Variants in XYLT1 observed in about 807,000 individuals in gnomAD.
The protein encoded by XYLT1 is xylosyltransferase 1.
In XYLT1, 36 loss-of-function variants were observed where a neutral mutation model predicts 91.3. That is an observed-to-expected ratio of 0.39 (90% CI 0.30 to 0.52). The LOEUF is 0.52. Among genes scored for constraint, XYLT1 ranks in the 20% least tolerant of loss-of-function variants. The probability of loss-of-function intolerance (pLI) is 0.68; values close to 1 mark genes in which losing one functional copy is unlikely to be tolerated. For synonymous variants in XYLT1, 588 were observed against 532.0 expected (o/e 1.11, Z -1.45); for missense variants, 1,242 against 1,284.5 (o/e 0.97, Z 0.51).
At chr16:17,188,472 C>G (rs577905173) in intron 5 of XYLT1, among the ~76,000 whole-genome samples, 89 of 152,266 alleles carry the variant, frequency 5.8e-4, no homozygotes, top group African/African-American at 2.0e-3. Context: ...GGGTCCCAAG[C>G]TACCCCCTCT....
chr16:17,117,870 A>T lies in XYLT1; in HGVS notation c.2333T>A (p.Val778Glu). The T allele has an allele frequency of 6.2e-7, 1 of 1,614,134 alleles. No homozygotes were observed. Reference protein sequence around the residue: ...GMQKWGKGPNVTVTVIWVDPV... With the variant: ...GMQKWGKGPNETVTVIWVDPV... ...ATCCACCCAAATGACGGTCACGGTC[A>T]CATTAGGTCCCTTCCCCCACTTCTG... Residue 778 changes from valine (V) to glutamate (E), a missense_variant, in exon 11 of 12, where the codon GTG (valine) becomes GAG (glutamate). Val to Glu is a moderately radical substitution (Grantham distance 121, BLOSUM62 -2). This residue lies in a region of XYLT1 where 511 missense variants were observed against 497.0 expected (regional missense o/e 1.03). Coordinates refer to ENST00000261381, the MANE Select transcript of XYLT1 (RefSeq NM_022166.4).
At chr16:17,335,954 A>G (rs2034973633) in intron 2 of XYLT1, among the ~76,000 whole-genome samples, 1 of 152,228 alleles carries the variant, frequency 6.6e-6, no homozygotes, top group South Asian at 2.1e-4. Flanking sequence ...ATAGCTTAAA[A>G]TCATCTTGTG....
At chr16:17,270,296 A>G (rs4782017) in intron 2 of XYLT1, among the ~76,000 whole-genome samples, 80,955 of 152,148 alleles carry the variant, frequency 0.53, 23,245 homozygotes, top group African/African-American at 0.74. Context: ...CCTCAAGCCT[A>G]CAAGGCTAAG....
At chr16:17,308,504 T>C (rs567258242) in intron 2 of XYLT1, among the ~76,000 whole-genome samples, 7 of 152,314 alleles carry the variant, frequency 4.6e-5, no homozygotes, top group Non-Finnish European at 1.0e-4. Flanking sequence ...TACAGCTCTA[T>C]CTACAAAGAA....
chr16:17,448,887 T>C (rs1483625810), intron 1 of XYLT1, among the ~76,000 whole-genome samples: 1 of 152,082 alleles, frequency 6.6e-6, no homozygotes, highest in Non-Finnish European at 1.5e-5. Flanking sequence ...TTGAAGTGGG[T>C]TCATCATCAT....
intron 6 of XYLT1, among the ~76,000 whole-genome samples, chr16:17,152,644 T>G (rs2031308563): frequency 6.6e-6 from 1 of 151,968 alleles, no homozygotes; most frequent in South Asian, 2.1e-4. Flanking sequence ...TCAAAGGAGG[T>G]TTGGGTCTGA....
chr16:17,321,101 G>C (rs1296915336), intron 2 of XYLT1, among the ~76,000 whole-genome samples: 1 of 151,936 alleles, frequency 6.6e-6, no homozygotes, highest in African/African-American at 2.4e-5. Flanking sequence ...CACCTAGAGA[G>C]CTACGAATTA....
At chr16:17,351,374 G>A (rs1344011260) in intron 2 of XYLT1, among the ~76,000 whole-genome samples, 1 of 152,140 alleles carries the variant, frequency 6.6e-6, no homozygotes, top group Non-Finnish European at 1.5e-5. Context: ...TTAGCCAGGT[G>A]TGGTGTCACA....
chr16:17,378,561 G>C lies in XYLT1; in HGVS notation c.364-20511C>G, dbSNP rs568924715. On this transcript the variant is annotated intron_variant, in intron 1 of 11. Coordinates refer to ENST00000261381, the MANE Select transcript of XYLT1 (RefSeq NM_022166.4). ...TCCTTCTAATTGAGGTAATTTCTAGGAATATGTTGCTAAAAGTTTCCTTTT... is the reference window on the plus strand; with the variant it reads ...TCCTTCTAATTGAGGTAATTTCTAGCAATATGTTGCTAAAAGTTTCCTTTT... Among the ~76,000 whole-genome samples, 16 of 152,258 alleles carry C rather than the reference G, an allele frequency of 1.1e-4. No individual in the cohort carries two copies. The East Asian group carries it at 2.9e-3, about 28-fold the overall frequency.
chr16:17,211,486 A>C (rs940117842), intron 3 of XYLT1, among the ~76,000 whole-genome samples: 2 of 152,072 alleles, frequency 1.3e-5, no homozygotes, highest in Non-Finnish European at 2.9e-5. Context: ...TGTCCTTTTG[A>C]TTCTTACTCT....
chr16:17,424,705 T>C (rs1470316070), intron 1 of XYLT1, among the ~76,000 whole-genome samples: 1 of 151,736 alleles, frequency 6.6e-6, no homozygotes, highest in Non-Finnish European at 1.5e-5. Flanking sequence ...CCGTCTTTAC[T>C]AAAAATACAA....
chr16:17,233,749 G>C (rs1020204977), intron 3 of XYLT1, among the ~76,000 whole-genome samples: 2 of 152,178 alleles, frequency 1.3e-5, no homozygotes, highest in Non-Finnish European at 2.9e-5. Flanking sequence ...GGGAGCCTGG[G>C]GCTTTACACT....
At chr16:17,466,067 C>T (rs923320442) in intron 1 of XYLT1, among the ~76,000 whole-genome samples, 3 of 152,192 alleles carry the variant, frequency 2.0e-5, no homozygotes, top group African/African-American at 7.2e-5. Context: ...CCTGTTCCCA[C>T]ACCCCTTCCT....
chr16:17,301,729 G>T (rs1193253977), intron 2 of XYLT1, among the ~76,000 whole-genome samples: 1 of 152,154 alleles, frequency 6.6e-6, no homozygotes, highest in Non-Finnish European at 1.5e-5. Flanking sequence ...AACAGGTGGC[G>T]AATGCTAATA....
chr16:17,192,655 G>A (rs1246064559), intron 5 of XYLT1, among the ~76,000 whole-genome samples: 3 of 152,162 alleles, frequency 2.0e-5, no homozygotes, highest in African/African-American at 4.8e-5. Context: ...GGACCAGGAT[G>A]TCATGTCAAC....
At chr16:17,333,510 T>G (rs551790022) in intron 2 of XYLT1, among the ~76,000 whole-genome samples, 1 of 152,190 alleles carries the variant, frequency 6.6e-6, no homozygotes, top group African/African-American at 2.4e-5. Context: ...AGAATGATGA[T>G]TCTGGAGGGT....
At chr16:17,135,657 G>A (rs1168139187) in intron 8 of XYLT1, among the ~76,000 whole-genome samples, 1 of 152,078 alleles carries the variant, frequency 6.6e-6, no homozygotes, top group Non-Finnish European at 1.5e-5. Flanking sequence ...GCCCAGAGAT[G>A]GTAAGGGACT....
At position 17,102,593 on chromosome 16, in the gene XYLT1, T is replaced by G. The variant is rs1171888800; in HGVS notation, c.*6102A>C. The G allele has an allele frequency of 6.6e-6, 1 of 152,602 alleles. No homozygotes were observed. The highest frequency in any genetic ancestry group is 1.5e-5 in the Non-Finnish European group (1 of 68,050). The allele number at this position is 152,602 out of a possible 1,614,324, so 9.5% of individuals were successfully genotyped here. On this transcript the variant is annotated 3_prime_UTR_variant, in exon 12 of 12. Transcript: ENST00000261381. ...AAAGGGCAGGTAATGCAGTCATTTC[T>G]GAGACTCACATTCTACCTCAAGGAA...
chr16:17,320,299 G>A (rs2034696203), intron 2 of XYLT1, among the ~76,000 whole-genome samples: 1 of 152,042 alleles, frequency 6.6e-6, no homozygotes, highest in South Asian at 2.1e-4. Flanking sequence ...CTTGATGAGG[G>A]GATGGGTGAA....
Sources: gnomAD v4.1 joint callset for allele counts (sites outside exome capture counted in the v4.1 genomes callset) on GRCh38, gnomAD v4.1.1 for gene constraint, gnomAD v4.1.1 regional missense constraint, MANE v1.5 for transcripts, NCBI Gene and HGNC (gene_info 2026-07-23, HGNC 2026-07-21) for gene names.